CNTNAP2: variants seen among roughly 807,000 people sequenced by gnomAD.
The protein encoded by CNTNAP2 is contactin-associated protein-like 2.
A neutral mutation model predicts 155.2 loss-of-function variants in CNTNAP2; 98 were observed. The observed-to-expected ratio is 0.63, with a 90% CI of 0.54 to 0.75. The LOEUF is 0.75. Ranked by LOEUF, CNTNAP2 falls within the 30% of genes least tolerant of loss-of-function variation. The probability of loss-of-function intolerance (pLI) is 0.00; values close to 1 mark genes in which losing one functional copy is unlikely to be tolerated. For missense variants in CNTNAP2, 1,727 were observed against 1,688.1 expected (o/e 1.02, Z -0.40); for synonymous variants, 651 against 631.2 (o/e 1.03, Z -0.47).
chr7:146,303,701 T>C (rs993242333), intron 1 of CNTNAP2, among the ~76,000 whole-genome samples: 1 of 152,182 alleles, frequency 6.6e-6, no homozygotes, highest in African/African-American at 2.4e-5. Context: ...ATGTGGTCAA[T>C]TTTGGAATAA....
chr7:147,818,901 A>T (rs1337121634), intron 13 of CNTNAP2, among the ~76,000 whole-genome samples: 1 of 152,226 alleles, frequency 6.6e-6, no homozygotes, highest in African/African-American at 2.4e-5. Flanking sequence ...AAGAGAAGGT[A>T]GCTTGATAGT....
intron 13 of CNTNAP2, among the ~76,000 whole-genome samples, chr7:147,689,890 C>A (rs1796064370): frequency 6.6e-6 from 1 of 152,104 alleles, no homozygotes; most frequent in Non-Finnish European, 1.5e-5. Context: ...TTGTCCCCAT[C>A]CCTTTTATTT....
At chr7:146,622,964 AAAAAG>A (rs1366590853) in intron 1 of CNTNAP2, among the ~76,000 whole-genome samples, 1 of 142,800 alleles carries the variant, frequency 7.0e-6, no homozygotes, top group Admixed American at 6.8e-5. Flanking sequence ...CTCAAAAAAA[AAAAAG>A]AAAAAAGAAA....
chr7:147,472,880 C>T (rs1423176251), intron 10 of CNTNAP2, among the ~76,000 whole-genome samples: 2 of 152,142 alleles, frequency 1.3e-5, no homozygotes, highest in African/African-American at 4.8e-5. Flanking sequence ...GCCTCTGATA[C>T]CTCTAAGTGA....
intron 18 of CNTNAP2, 34 bp downstream of exon 18, chr7:148,172,512 C>A: frequency 6.4e-7 from 1 of 1,572,192 alleles, no homozygotes; most frequent in South Asian, 1.1e-5. Flanking sequence ...GCCACTTTTG[C>A]GTGTCTTTTT....
chr7:147,895,942 T>C (rs867650127), intron 13 of CNTNAP2, among the ~76,000 whole-genome samples: 6 of 152,370 alleles, frequency 3.9e-5, no homozygotes, highest in Middle Eastern at 3.4e-3. Context: ...GGCATTCTTT[T>C]GCAGTAGATG....
intron 21 of CNTNAP2, among the ~76,000 whole-genome samples, chr7:148,286,229 C>G (rs1291529653): frequency 1.3e-5 from 2 of 152,122 alleles, no homozygotes; most frequent in African/African-American, 2.4e-5. Flanking sequence ...GTTCAAGGGT[C>G]AACTGTGTAT....
At chr7:147,484,351 T>A (rs1197301034) in intron 10 of CNTNAP2, among the ~76,000 whole-genome samples, 1 of 152,246 alleles carries the variant, frequency 6.6e-6, no homozygotes, top group Non-Finnish European at 1.5e-5. Context: ...TCATTGAGTC[T>A]CAACCTAAAA....
chr7:147,197,649 T>A (rs1461210407), intron 8 of CNTNAP2, among the ~76,000 whole-genome samples: 1 of 152,200 alleles, frequency 6.6e-6, no homozygotes, highest in Non-Finnish European at 1.5e-5. Flanking sequence ...ATGGAGAATA[T>A]CCAGTAATAC....
intron 13 of CNTNAP2, among the ~76,000 whole-genome samples, chr7:147,639,827 G>C (rs186719195): frequency 6.6e-6 from 1 of 152,338 alleles, no homozygotes; most frequent in Admixed American, 6.5e-5. Context: ...GCTAGTGTGT[G>C]TGTGAGTGTG....
At chr7:146,945,918 C>T (rs545225769) in intron 3 of CNTNAP2, among the ~76,000 whole-genome samples, 2 of 152,084 alleles carry the variant, frequency 1.3e-5, no homozygotes, top group Admixed American at 1.3e-4. Flanking sequence ...AAAACTACTT[C>T]GCCGTTGTGC....
At chr7:146,946,632 T>C (rs1466894210) in intron 3 of CNTNAP2, among the ~76,000 whole-genome samples, 4 of 152,146 alleles carry the variant, frequency 2.6e-5, no homozygotes, top group Non-Finnish European at 5.9e-5. Flanking sequence ...AGTTTCAGTC[T>C]GTGAATTTAA....
chr7:146,374,512 G>A (rs1012415868), intron 1 of CNTNAP2, among the ~76,000 whole-genome samples: 2 of 152,194 alleles, frequency 1.3e-5, no homozygotes, highest in African/African-American at 4.8e-5. Flanking sequence ...TAGCTGTGAG[G>A]AAGGATTTAA....
chr7:147,046,059 A>T, intron 4 of CNTNAP2, among the ~76,000 whole-genome samples: 1 of 152,326 alleles, frequency 6.6e-6, no homozygotes, highest in Non-Finnish European at 1.5e-5. Flanking sequence ...AGAGTTAATA[A>T]TAATAAAAAT....
intron 3 of CNTNAP2, among the ~76,000 whole-genome samples, chr7:146,949,233 A>C (rs1261986162): frequency 6.6e-6 from 1 of 152,340 alleles, no homozygotes; most frequent in East Asian, 1.9e-4. Flanking sequence ...TTATTGTGAC[A>C]TTAAGATAGA....
intron 1 of CNTNAP2, among the ~76,000 whole-genome samples, chr7:146,714,357 G>A (rs1004083812): frequency 3.3e-5 from 5 of 152,156 alleles, no homozygotes; most frequent in African/African-American, 1.2e-4. Flanking sequence ...TTGCCTTTGA[G>A]TAGACCAACC....
chr7:146,212,098 TG>T (rs1799043143), intron 1 of CNTNAP2, among the ~76,000 whole-genome samples: 1 of 152,160 alleles, frequency 6.6e-6, no homozygotes, highest in Non-Finnish European at 1.5e-5. Flanking sequence ...ATAATATTTT[TG>T]AAAATCCAGG....
chr7:146,769,295 C>T (rs1802252744), intron 1 of CNTNAP2, among the ~76,000 whole-genome samples: 1 of 152,182 alleles, frequency 6.6e-6, no homozygotes. Context: ...CTCCTTCCCT[C>T]CTTTACTATT....
intron 18 of CNTNAP2, among the ~76,000 whole-genome samples, chr7:148,213,924 T>C (rs2116751000): frequency 6.6e-6 from 1 of 152,100 alleles, no homozygotes; most frequent in Admixed American, 6.5e-5. Context: ...GAATGACTGA[T>C]TCTTAAAAAG....
Sources: gnomAD v4.1 joint callset for allele counts (sites outside exome capture counted in the v4.1 genomes callset) on GRCh38, gnomAD v4.1.1 for gene constraint, MANE v1.5 for transcripts, NCBI Gene and HGNC (gene_info 2026-07-23, HGNC 2026-07-21) for gene names.